Variants in VIPR1 observed in about 807,000 individuals in gnomAD.
VIPR1 encodes vasoactive intestinal peptide receptor 1.
A neutral mutation model predicts 58.8 loss-of-function variants in VIPR1; 59 were observed. The observed-to-expected ratio is 1.00, with a 90% CI of 0.81 to 1.25. The LOEUF (loss-of-function observed/expected upper bound fraction) is 1.25. Among genes scored for constraint, VIPR1 ranks in the 50% most tolerant of loss-of-function variants. The probability of loss-of-function intolerance (pLI) is 0.00; values close to 1 mark genes in which losing one functional copy is unlikely to be tolerated. For missense variants in VIPR1, 626 were observed against 602.7 expected, an observed-to-expected ratio of 1.04 and a Z score of -0.40; for synonymous variants, 251 against 242.1, an observed-to-expected ratio of 1.04 and a Z score of -0.34.
intron 8 of VIPR1, 24 bp downstream of exon 8, chr3:42,531,555 C>T: frequency 6.3e-7 from 1 of 1,589,754 alleles, no homozygotes. Context: ...CCACACACTC[C>T]CCCGGCCGCC....
chr3:42,535,095 G>A lies in VIPR1; in HGVS notation c.1131G>A (p.Gly377=), dbSNP rs144686790. The A allele has an allele frequency of 6.2e-6, 10 of 1,614,122 alleles. No individual in the cohort carries two copies. The highest frequency in any genetic ancestry group is 8.5e-6 in the Non-Finnish European group (10 of 1,180,040). ...EVKMVFELVV[G]SFQGFVVAIL... ...AGATGGTCTTTGAGCTCGTCGTGGG[G>A]TCTTTCCAGGTATGGGCTGTTGACT... Residue 377 remains glycine, a synonymous_variant, in exon 11 of 13, where the codon GGG becomes GGA. Transcript: ENST00000325123.
chr3:42,496,161 C>T (rs140624680), intron 1 of VIPR1, among the ~76,000 whole-genome samples: 2,072 of 152,108 alleles, frequency 0.014, 56 homozygotes, highest in East Asian at 0.073. Flanking sequence ...GGCTTGAACC[C>T]GGGAGGCGGA....
At chr3:42,498,779 C>T (rs576403985), upstream of VIPR1, among the ~76,000 whole-genome samples, 1 of 152,164 alleles carries the variant, frequency 6.6e-6, no homozygotes, top group Non-Finnish European at 1.5e-5. Context: ...ATGTCTAAGA[C>T]ACAGTCACGT....
At chr3:42,527,778 G>A (rs1455346311) in intron 5 of VIPR1, 7 of 701,752 alleles carry the variant, frequency 1.0e-5, no homozygotes, top group South Asian at 1.9e-5. Context: ...GGCCACACAC[G>A]AGGTTGAGGC....
chr3:42,489,760 A>C (rs1209776375), intron 1 of VIPR1: 1 of 152,378 alleles, frequency 6.6e-6, no homozygotes, highest in East Asian at 1.9e-4. Flanking sequence ...GCACTCCTCC[A>C]GACCAGGAGT....
chr3:42,506,691 CTAAATTT>C (rs1344841752), intron 1 of VIPR1: 1 of 151,980 alleles, frequency 6.6e-6, no homozygotes, highest in African/African-American at 2.4e-5. Context: ...CCATGCCTGG[CTAAATTT>C]TGTATTTTTA....
At chr3:42,519,160 G>C (rs1270079705) in intron 2 of VIPR1, 63 bp from the exon 3 acceptor site, 1 of 1,361,568 alleles carries the variant, frequency 7.3e-7, no homozygotes, top group Non-Finnish European at 9.8e-7. Flanking sequence ...TATGGCCTCA[G>C]GCCCCAGGGC....
chr3:42,527,922 T>C (rs1239726210), intron 5 of VIPR1, 69 bp from the exon 6 acceptor site: 19 of 1,590,380 alleles, frequency 1.2e-5, no homozygotes, highest in Non-Finnish European at 1.5e-5. Context: ...GCTCAGCACA[T>C]AGGACAGCAT....
chr3:42,521,047 G>C (rs1700890655), intron 3 of VIPR1, among the ~76,000 whole-genome samples: 1 of 152,112 alleles, frequency 6.6e-6, no homozygotes, highest in Non-Finnish European at 1.5e-5. Flanking sequence ...CTGATCCCTG[G>C]AAGCACCTGC....
chr3:42,499,510 G>A (rs935329111), upstream of VIPR1, among the ~76,000 whole-genome samples: 1 of 152,208 alleles, frequency 6.6e-6, no homozygotes, highest in African/African-American at 2.4e-5. Context: ...CATCCAGAAG[G>A]GATATGAGAT....
intron 2 of VIPR1, among the ~76,000 whole-genome samples, chr3:42,515,521 C>A (rs1157577465): frequency 1.3e-5 from 2 of 152,334 alleles, no homozygotes; most frequent in East Asian, 3.9e-4. Context: ...ACCTCCCACG[C>A]CTGGGGACAG....
chr3:42,528,148 C>T lies in VIPR1; in HGVS notation c.636+25C>T, dbSNP rs745803616. The T allele has an allele frequency of 1.2e-5, 19 of 1,609,014 alleles. No homozygotes were observed. The Admixed American group carries it at 2.3e-4, about 20-fold the overall frequency. On this transcript the variant is annotated intron_variant, in intron 6 of 12. Coordinates refer to ENST00000325123, the MANE Select transcript of VIPR1 (RefSeq NM_004624.4). The stretch of plus-strand genomic sequence containing the variant: ...GGTGAGGATCCTGGCCCTGGCCCAC[C>T]TCCCTCAGTCTCGCCGTTATCTTTA...
chr3:42,531,523 G>A lies in VIPR1; in HGVS notation c.843G>A (p.Glu281=). The change falls in exon 8 of 13, where the codon GAG becomes GAA. Residue 281 remains glutamate, a synonymous_variant. Transcript: ENST00000325123. ...GGACCATCGCCAGGATCCATTTTGAGGATTATGGGTGAGCTGCTGCCCCAC... is the reference window on the plus strand; with the variant it reads ...GGACCATCGCCAGGATCCATTTTGAAGATTATGGGTGAGCTGCTGCCCCAC... ...MVWTIARIHF[E]DYGCWDTINS... 6.3e-7 allele frequency: 1 copy of A among 1,596,906 alleles called. No homozygotes were observed. Among genetic ancestry groups the A allele is most frequent in the Non-Finnish European group, 8.5e-7 (1 of 1,171,100 alleles).
intron 2 of VIPR1, among the ~76,000 whole-genome samples, chr3:42,517,278 C>T (rs1700678182): frequency 6.6e-6 from 1 of 152,236 alleles, no homozygotes; most frequent in African/African-American, 2.4e-5. Context: ...CTTCCCAGAC[C>T]CCCTTCTTGG....
At position 42,531,290 on chromosome 3, in the gene VIPR1, AC is replaced by A. The variant is rs1701531803; in HGVS notation, c.791-176del. ...CACAGCCCTTCAGGCATACAGCTTC[AC>A]CCCCTCAGTGGAGCATCCCTCCGTG... On this transcript the variant is annotated intron_variant, in intron 7 of 12. Coordinates refer to ENST00000325123, the MANE Select transcript of VIPR1 (RefSeq NM_004624.4). 3.5e-5 allele frequency: 23 copies of A among 665,958 alleles called. No homozygotes were observed. The South Asian group carries it at 4.2e-4, about 12-fold the overall frequency. The allele number at this position is 665,958 out of a possible 1,614,324, so 41.3% of individuals were successfully genotyped here. A position where few individuals can be genotyped will look rare whatever the true frequency, so the allele number is the denominator to read the frequency against.
intron 1 of VIPR1, among the ~76,000 whole-genome samples, chr3:42,495,262 T>TAG (rs1237525188): frequency 1.3e-5 from 2 of 150,752 alleles, no homozygotes; most frequent in Admixed American, 1.3e-4. Flanking sequence ...GCTGGGACTA[T>TAG]AGGCGCCCAC....
rs1700789604 is a variant in VIPR1, at chr3:42,519,268, C to T, written c.230C>T (p.Pro77Leu). The T allele has an allele frequency of 3.1e-6, 5 of 1,611,058 alleles. No individual in the cohort carries two copies. The South Asian group carries it at 3.3e-5, about 11-fold the overall frequency. The change falls in exon 3 of 13, where the codon CCT becomes CTT. Residue 77 changes from proline to leucine, a missense_variant. Transcript: ENST00000325123. Reference sequence around the variant, plus strand: ...AACCTCACCTGCTGGCCAGCCACCCCTCGGGGCCAGGTAGTTGTCTTGGCC... The same window carrying T: ...AACCTCACCTGCTGGCCAGCCACCCTTCGGGGCCAGGTAGTTGTCTTGGCC... ...WDNLTCWPAT[P>L]RGQVVVLACP...
At chr3:42,534,713 A>G (rs1334771482) in intron 10 of VIPR1, 2 of 336,378 alleles carry the variant, frequency 5.9e-6, no homozygotes. Flanking sequence ...TCTCTCCTCC[A>G]GAAGGGTGAG....
intron 1 of VIPR1, among the ~76,000 whole-genome samples, chr3:42,508,604 G>A (rs979101977): frequency 1.3e-5 from 2 of 152,206 alleles, no homozygotes; most frequent in Non-Finnish European, 2.9e-5. Context: ...AGGCTGCCCT[G>A]CAATGAGGGG....
Sources: gnomAD v4.1 joint callset for allele counts (sites outside exome capture counted in the v4.1 genomes callset) on GRCh38, gnomAD v4.1.1 for gene constraint, MANE v1.5 for transcripts, NCBI Gene and HGNC (gene_info 2026-07-23, HGNC 2026-07-21) for gene names.